The following CAGE1 variants were observed in gnomAD, a reference collection of about 807,000 sequenced individuals.
The protein encoded by CAGE1 is cancer-associated gene 1 protein.
A neutral mutation model predicts 94.9 loss-of-function variants in CAGE1; 66 were observed. The ratio of observed to expected loss-of-function variants is 0.70; its 90% CI spans 0.57 to 0.85. CAGE1 has a LOEUF of 0.85. Ranked by LOEUF, CAGE1 falls within the 40% of genes least tolerant of loss-of-function variation. CAGE1 has a pLI of 0.00. For synonymous variants in CAGE1, 319 were observed against 321.0 expected (o/e 0.99, Z 0.07); for missense variants, 865 against 950.4 (o/e 0.91, Z 1.18).
At chr6:7,341,370 C>A in intron 11 of CAGE1, 1 of 779,590 alleles carries the variant, frequency 1.3e-6, no homozygotes, top group Non-Finnish European at 2.2e-6. Flanking sequence ...ATCAGGCAGA[C>A]TTTTCATGCT....
intron 11 of CAGE1, among the ~76,000 whole-genome samples, chr6:7,334,343 A>G (rs1758874130): frequency 1.3e-5 from 2 of 152,220 alleles, no homozygotes; most frequent in South Asian, 4.1e-4. Flanking sequence ...AGCAGCATTC[A>G]GATATTCTCC....
intron 7 of CAGE1, among the ~76,000 whole-genome samples, chr6:7,367,871 T>A (rs1380361467): frequency 9.2e-5 from 14 of 152,212 alleles, no homozygotes; most frequent in Admixed American, 9.2e-4. Flanking sequence ...CAATTTGACA[T>A]CCTGTTATCA....
intron 8 of CAGE1, 63 bp downstream of exon 8, chr6:7,365,741 C>G: frequency 7.4e-7 from 1 of 1,348,120 alleles, no homozygotes; most frequent in Non-Finnish European, 1.0e-6. Context: ...ACCAAAAGAA[C>G]ATAAATACCT....
Position 7,378,799 on chromosome 6 carries a change from T to A in CAGE1, c.505A>T (p.Thr169Ser), listed in dbSNP as rs1438569762. The change falls in exon 4 of 14, where the codon ACT (threonine) becomes TCT (serine). Residue 169 changes from threonine (T) to serine (S), a missense_variant. Thr to Ser is a moderately conservative substitution (Grantham distance 58, BLOSUM62 1). Coordinates refer to ENST00000502583, the MANE Select transcript of CAGE1 (RefSeq NM_001170692.2). The stretch of plus-strand genomic sequence containing the variant: ...TGGTCTGTATTTGCAGAAACACTAG[T>A]TTCCATTGGATTTTCTTCCTTAAAT... ...DSFKEENPME[T>S]SVSANTDQLG... 1.7e-5 allele frequency: 27 copies of A among 1,613,650 alleles called. No homozygotes were observed. Among genetic ancestry groups the A allele is most frequent in the Non-Finnish European group, 2.2e-5 (26 of 1,179,806 alleles).
At chr6:7,342,820 TG>T (rs1174182309) in intron 11 of CAGE1, among the ~76,000 whole-genome samples, 2 of 152,316 alleles carry the variant, frequency 1.3e-5, no homozygotes, top group African/African-American at 2.4e-5. Flanking sequence ...AGTTGATTTT[TG>T]TATATAAGTT....
At chr6:7,329,034 C>T in intron 13 of CAGE1, 1 of 209,106 alleles carries the variant, frequency 4.8e-6, no homozygotes, top group Non-Finnish European at 9.3e-6. Flanking sequence ...TGGATTCAAG[C>T]TATTCTCCTG....
At chr6:7,340,666 C>G (rs1298369223) in intron 11 of CAGE1, among the ~76,000 whole-genome samples, 5 of 152,180 alleles carry the variant, frequency 3.3e-5, no homozygotes, top group Non-Finnish European at 7.3e-5. Context: ...CAGATGAGAT[C>G]TTCCTGGAGG....
intron 11 of CAGE1, among the ~76,000 whole-genome samples, chr6:7,346,452 G>A (rs1759542411): frequency 6.6e-6 from 1 of 152,154 alleles, no homozygotes; most frequent in African/African-American, 2.4e-5. Flanking sequence ...GGGAGGCTGA[G>A]GTGGGAGGAT....
intron 9 of CAGE1, among the ~76,000 whole-genome samples, chr6:7,363,026 A>G (rs936312927): frequency 6.6e-6 from 1 of 152,142 alleles, no homozygotes; most frequent in Non-Finnish European, 1.5e-5. Context: ...TACTTCCCAG[A>G]GACTTTGAGA....
At position 7,387,681 on chromosome 6, in the gene CAGE1, T is replaced by C. The variant is rs149554360; in HGVS notation, c.-23-485A>G. Among the ~76,000 whole-genome samples the C allele has an allele frequency of 6.8e-3, 1,029 of 152,152 alleles. 14 individuals carry two copies. Among genetic ancestry groups the C allele is most frequent in the African/African-American group, 0.022 (928 of 41,506 alleles). On this transcript the variant is annotated intron_variant, in intron 1 of 13. Coordinates refer to ENST00000502583, the MANE Select transcript of CAGE1 (RefSeq NM_001170692.2). Reference sequence around the variant, plus strand: ...GTCTTGGCATCCCTCTACCTCATCATGCATGGCTATTCAGATACCAAGTCC... The same window carrying C: ...GTCTTGGCATCCCTCTACCTCATCACGCATGGCTATTCAGATACCAAGTCC...
At chr6:7,378,038 C>T (rs1240558138) in intron 4 of CAGE1, among the ~76,000 whole-genome samples, 1 of 152,164 alleles carries the variant, frequency 6.6e-6, no homozygotes, top group Admixed American at 6.5e-5. Flanking sequence ...AGTGCCTCTG[C>T]ACTCCTTCCT....
chr6:7,329,279 GA>G lies in CAGE1; in HGVS notation c.2478+569del, dbSNP rs755755957. The G allele has an allele frequency of 5.1e-4, 192 of 380,126 alleles. 2 individuals are homozygous for G. Among genetic ancestry groups the G allele is most frequent in the South Asian group, 2.3e-3 (18 of 7,982 alleles). 23.5% of individuals were successfully genotyped at this position (380,126 alleles called of 1,614,324 possible). On this transcript the variant is annotated intron_variant, in intron 13 of 13. Coordinates refer to ENST00000502583, the MANE Select transcript of CAGE1 (RefSeq NM_001170692.2). ...AGTTATATGCCAACTAAAAAGAAAA[GA>G]AAAAAAAATCGCTTGCTTAGAAAGC...
intron 5 of CAGE1, among the ~76,000 whole-genome samples, chr6:7,372,590 G>C (rs779590622): frequency 6.6e-6 from 1 of 152,048 alleles, no homozygotes; most frequent in Non-Finnish European, 1.5e-5. Flanking sequence ...AGGAATAGCT[G>C]TTCTTTGAAT....
chr6:7,331,778 G>C (rs1758764021), intron 12 of CAGE1: 2 of 157,946 alleles, frequency 1.3e-5, no homozygotes. Flanking sequence ...TGGCAGCAGT[G>C]GCAGCAGAGG....
chr6:7,359,106 G>A (rs947025142), intron 9 of CAGE1, among the ~76,000 whole-genome samples: 23 of 152,156 alleles, frequency 1.5e-4, no homozygotes, highest in African/African-American at 5.5e-4. Context: ...GAGTGCAATG[G>A]CACAATCTTG....
intron 3 of CAGE1, among the ~76,000 whole-genome samples, chr6:7,383,298 A>C (rs186721284): frequency 1.2e-4 from 18 of 152,330 alleles, no homozygotes; most frequent in South Asian, 4.1e-4. Flanking sequence ...GTGAAAACAG[A>C]CTAATACAGC....
chr6:7,374,015 C>T lies in CAGE1; in HGVS notation c.804G>A (p.Trp268Ter). ...GVERPEIVST[W>*]SSAGISWRSE... is the part of the protein sequence containing the mutation. Reference sequence around the variant, plus strand: ...TCCTCCAGGAAATGCCTGCCGAAGACCAAGTTGAGACAATTTCTGGCCTCT... The same window carrying T: ...TCCTCCAGGAAATGCCTGCCGAAGATCAAGTTGAGACAATTTCTGGCCTCT... The change falls in exon 5 of 14, where the codon TGG (tryptophan) becomes TGA (stop). Residue 268 changes from tryptophan to a stop codon, truncating the protein, a stop_gained. Coordinates refer to ENST00000502583, the MANE Select transcript of CAGE1 (RefSeq NM_001170692.2). LOFTEE classifies it high-confidence loss of function. The T allele has an allele frequency of 6.2e-7, 1 of 1,614,030 alleles. No homozygotes were observed.
intron 10 of CAGE1, among the ~76,000 whole-genome samples, 172 bp downstream of exon 10, chr6:7,355,853 A>G (rs1759934751): frequency 6.6e-6 from 1 of 152,158 alleles, no homozygotes; most frequent in African/African-American, 2.4e-5. Context: ...ATTTTTAAAA[A>G]TTAGCCAGGA....
chr6:7,343,764 A>G (rs901176812), intron 11 of CAGE1, among the ~76,000 whole-genome samples: 5 of 152,214 alleles, frequency 3.3e-5, no homozygotes, highest in African/African-American at 1.2e-4. Flanking sequence ...GTCACCTTGA[A>G]TAACAAGGTA....
Sources: allele counts gnomAD v4.1 joint callset (sites outside exome capture counted in the v4.1 genomes callset), GRCh38; gene constraint gnomAD v4.1.1; transcripts MANE v1.5; gene names NCBI Gene and HGNC (gene_info 2026-07-23, HGNC 2026-07-21).